The following FHIT variants were observed in gnomAD, a reference collection of about 807,000 sequenced individuals.
The protein encoded by FHIT is fragile histidine triad diadenosine triphosphatase.
In FHIT, 19 loss-of-function variants were observed where a neutral mutation model predicts 17.9. The observed-to-expected ratio is 1.06, with a 90% CI of 0.74 to 1.56. FHIT has a LOEUF of 1.56. Ranked by LOEUF, FHIT falls within the 40% of genes most tolerant of loss-of-function variation. The pLI is 0.00. For missense variants in FHIT, 248 were observed against 189.2 expected (o/e 1.31, Z -1.82); for synonymous variants, 81 against 69.7 (o/e 1.16, Z -0.81).
intron 4 of FHIT, among the ~76,000 whole-genome samples, chr3:60,634,894 C>G (rs2039541207): frequency 1.3e-5 from 2 of 152,214 alleles, no homozygotes; most frequent in Admixed American, 6.5e-5. Flanking sequence ...GACGCCATCT[C>G]TATTTCCCAG....
intron 5 of FHIT, among the ~76,000 whole-genome samples, chr3:60,394,989 A>G (rs1701377549): frequency 6.6e-6 from 1 of 152,238 alleles, no homozygotes; most frequent in Non-Finnish European, 1.5e-5. Flanking sequence ...AGATCACTGC[A>G]TGAATCTGAA....
chr3:60,192,571 C>T (rs572340577), intron 5 of FHIT, among the ~76,000 whole-genome samples: 1 of 152,266 alleles, frequency 6.6e-6, no homozygotes, highest in South Asian at 2.1e-4. Flanking sequence ...TTGAGTTGAG[C>T]CATGCTCTCT....
intron 4 of FHIT, among the ~76,000 whole-genome samples, chr3:60,566,746 G>T (rs1278894630): frequency 1.3e-5 from 2 of 151,974 alleles, no homozygotes; most frequent in African/African-American, 2.4e-5. Flanking sequence ...AAGCTGATAG[G>T]CAACTTCAGC....
chr3:61,059,496 G>C (rs1210486518), intron 2 of FHIT, among the ~76,000 whole-genome samples: 5 of 150,500 alleles, frequency 3.3e-5, no homozygotes, highest in African/African-American at 1.2e-4. Context: ...TTAAAAGAGA[G>C]TCTGCCAAAG....
intron 1 of FHIT, among the ~76,000 whole-genome samples, chr3:61,233,715 CT>C (rs978336174): frequency 1.6e-4 from 24 of 152,214 alleles, no homozygotes; most frequent in Non-Finnish European, 1.8e-4. Flanking sequence ...AAAAGCACCA[CT>C]TTTTTAATCA....
chr3:60,984,956 A>G (rs538323562), intron 3 of FHIT, among the ~76,000 whole-genome samples: 63 of 152,316 alleles, frequency 4.1e-4, no homozygotes, highest in African/African-American at 1.5e-3. Context: ...ATCAACATTC[A>G]GTATGCATAC....
At chr3:60,352,147 T>A (rs1190127003) in intron 5 of FHIT, among the ~76,000 whole-genome samples, 1 of 152,130 alleles carries the variant, frequency 6.6e-6, no homozygotes, top group East Asian at 1.9e-4. Flanking sequence ...AAATACTAAG[T>A]GCAGAGAAAA....
chr3:60,393,030 G>A (rs1483752200), intron 5 of FHIT, among the ~76,000 whole-genome samples: 1 of 152,072 alleles, frequency 6.6e-6, no homozygotes, highest in Non-Finnish European at 1.5e-5. Context: ...ATTAAATGAG[G>A]ACAATTTTGT....
At chr3:59,789,258 T>C (rs1255181280) in intron 8 of FHIT, among the ~76,000 whole-genome samples, 2 of 152,220 alleles carry the variant, frequency 1.3e-5, no homozygotes, top group Non-Finnish European at 2.9e-5. Context: ...TGACTATCTA[T>C]GAAGAAGAAA....
At chr3:60,030,424 A>C (rs754303760) in intron 5 of FHIT, among the ~76,000 whole-genome samples, 63 of 152,122 alleles carry the variant, frequency 4.1e-4, no homozygotes, top group Non-Finnish European at 7.4e-4. Context: ...TCATCCTTGG[A>C]TCCAAAGACC....
intron 5 of FHIT, among the ~76,000 whole-genome samples, chr3:60,366,003 T>C (rs537845232): frequency 6.6e-6 from 1 of 152,342 alleles, no homozygotes; most frequent in East Asian, 1.9e-4. Context: ...CAACTGGTGT[T>C]CAAAATAAAA....
chr3:60,606,772 C>A (rs2038621484), intron 4 of FHIT, among the ~76,000 whole-genome samples: 1 of 152,152 alleles, frequency 6.6e-6, no homozygotes, highest in Non-Finnish European at 1.5e-5. Context: ...CTCACTCACT[C>A]ATTGCTGTAA....
At chr3:60,374,713 G>A (rs1386075316) in intron 5 of FHIT, among the ~76,000 whole-genome samples, 2 of 151,822 alleles carry the variant, frequency 1.3e-5, no homozygotes, top group Admixed American at 6.6e-5. Flanking sequence ...TAAAACCTGT[G>A]CAGCCCGAAG....
intron 4 of FHIT, among the ~76,000 whole-genome samples, chr3:60,719,120 C>T (rs2041753267): frequency 6.6e-6 from 1 of 152,140 alleles, no homozygotes; most frequent in South Asian, 2.1e-4. Flanking sequence ...GGCCTTAGCT[C>T]TGAAAGAAAG....
At chr3:60,720,766 G>A (rs1193246247) in intron 4 of FHIT, among the ~76,000 whole-genome samples, 1 of 152,138 alleles carries the variant, frequency 6.6e-6, no homozygotes, top group African/African-American at 2.4e-5. Context: ...CCAGAGAATA[G>A]CATACTGGGC....
intron 2 of FHIT, among the ~76,000 whole-genome samples, chr3:61,150,074 G>A (rs1285134567): frequency 6.6e-6 from 1 of 152,084 alleles, no homozygotes; most frequent in East Asian, 1.9e-4. Flanking sequence ...AGTAATTGTT[G>A]AAAATCTTCC....
At chr3:61,096,290 A>G (rs2035636683) in intron 2 of FHIT, among the ~76,000 whole-genome samples, 1 of 152,206 alleles carries the variant, frequency 6.6e-6, no homozygotes, top group African/African-American at 2.4e-5. Flanking sequence ...ATTGTGTGAC[A>G]CAGGCACAAA....
At position 60,263,929 on chromosome 3, in the gene FHIT, A is replaced by T. The variant is rs372898965; in HGVS notation, c.104-249777T>A. The stretch of plus-strand genomic sequence containing the variant: ...GGAGAAAGTGAGTGTTTTTTTTTTT[A>T]AATGAAAAGATTTTAGATTTACGTT... On this transcript the variant is annotated intron_variant, in intron 5 of 9. Transcript: ENST00000492590. Among the ~76,000 whole-genome samples the T allele has an allele frequency of 2.6e-4, 40 of 151,150 alleles. No individual in the cohort carries two copies. The East Asian group carries it at 3.5e-3, about 13-fold the overall frequency.
At chr3:60,940,329 G>C (rs1324528468) in intron 3 of FHIT, among the ~76,000 whole-genome samples, 1 of 152,028 alleles carries the variant, frequency 6.6e-6, no homozygotes, top group African/African-American at 2.4e-5. Flanking sequence ...AGAAAAATAA[G>C]TCAATTTTAT....
Sources: gnomAD v4.1 joint callset for allele counts (sites outside exome capture counted in the v4.1 genomes callset) on GRCh38, gnomAD v4.1.1 for gene constraint, MANE v1.5 for transcripts, NCBI Gene and HGNC (gene_info 2026-07-23, HGNC 2026-07-21) for gene names.